CASK: variants seen among roughly 807,000 people sequenced by gnomAD.
CASK encodes peripheral plasma membrane protein CASK.
Under a neutral mutation model 82.9 loss-of-function variants are expected in CASK, and 4 were observed. The ratio of observed to expected loss-of-function variants is 0.05; its 90% confidence interval spans 0.02 to 0.11. CASK has a LOEUF of 0.11. Ranked by LOEUF, CASK falls within the 10% of genes least tolerant of loss-of-function variation. The probability of loss-of-function intolerance (pLI) is 1.00; values close to 1 mark genes in which losing one functional copy is unlikely to be tolerated. For missense variants in CASK, 358 were observed against 720.9 expected, an observed-to-expected ratio of 0.50 and a Z score of 5.76; for synonymous variants, 259 against 253.5, an observed-to-expected ratio of 1.02 and a Z score of -0.20.
intron 5 of CASK, among the ~76,000 whole-genome samples, chrX:41,736,167 T>C (rs1442847192): frequency 2.7e-5 from 3 of 112,164 alleles, no homozygotes; most frequent in East Asian, 5.6e-4. Flanking sequence ...TATTCACCCA[T>C]GTAAAAATGT....
rs760462617 is a variant in CASK, at chrX:41,576,067, C to T, written c.1503+2273G>A. On this transcript the variant is annotated intron_variant, in intron 15 of 26. Coordinates refer to ENST00000378163, the MANE Select transcript of CASK (RefSeq NM_001367721.1). ...TCGGCTCACTGCAACCTCCGCCTCC[C>T]GGGTTCAAGCGATTCTTCTGCCTCA... 8.0e-3 allele frequency among the ~76,000 whole-genome samples: 876 copies of T among 109,273 alleles called. 7 individuals are homozygous for T. Among genetic ancestry groups the T allele is most frequent in the African/African-American group, 0.028 (832 of 29,960 alleles). The allele number at this position is 109,273 out of a possible 115,157, so 94.9% of individuals were successfully genotyped here. A position where few individuals can be genotyped will look rare whatever the true frequency, so the allele number is the denominator to read the frequency against.
chrX:41,601,412 T>C, intron 12 of CASK, among the ~76,000 whole-genome samples: 1 of 111,759 alleles, frequency 8.9e-6, no homozygotes, highest in African/African-American at 3.2e-5. Flanking sequence ...ATATTGAAAA[T>C]CTATAAAGTT....
At chrX:41,859,203 T>C (rs1356425731) in intron 1 of CASK, among the ~76,000 whole-genome samples, 1 of 111,183 alleles carries the variant, frequency 9.0e-6, no homozygotes, top group Non-Finnish European at 1.9e-5. Context: ...ACAAGATACG[T>C]AGGAAAACCG....
At chrX:41,544,492 A>G (rs754781526) in intron 21 of CASK, among the ~76,000 whole-genome samples, 1 of 100,498 alleles carries the variant, frequency 1.0e-5, no homozygotes, top group Admixed American at 1.1e-4. Context: ...CTTGAGCCTG[A>G]GAGGTGGAGG....
chrX:41,532,258 C>G (rs2064815173), intron 24 of CASK, among the ~76,000 whole-genome samples: 1 of 112,196 alleles, frequency 8.9e-6, no homozygotes, highest in Non-Finnish European at 1.9e-5. Flanking sequence ...TTTTTGTAAA[C>G]AAAGTTTTAC....
In CASK at chrX:41,705,377, C is replaced by T. The variant is rs891132627; in HGVS notation, c.430-33847G>A. 6.3e-5 allele frequency among the ~76,000 whole-genome samples: 7 copies of T among 110,719 alleles called. No homozygotes were observed. The East Asian group carries it at 1.1e-3, about 18-fold the overall frequency. On this transcript the variant is annotated intron_variant, in intron 5 of 26. Transcript: ENST00000378163. ...TTCCAGACCAGCCTGGGCAACATAGCGAAGCAGTCTCTACAAAATATTAAA... is the reference window on the plus strand; with the variant it reads ...TTCCAGACCAGCCTGGGCAACATAGTGAAGCAGTCTCTACAAAATATTAAA...
chrX:41,798,474 A>G (rs2069912702), intron 2 of CASK, among the ~76,000 whole-genome samples: 1 of 112,807 alleles, frequency 8.9e-6, no homozygotes, highest in African/African-American at 3.2e-5. Flanking sequence ...CAATAATTCT[A>G]AGGGGCAGAT....
intron 5 of CASK, among the ~76,000 whole-genome samples, chrX:41,702,516 C>T: frequency 8.9e-6 from 1 of 112,275 alleles, no homozygotes. Context: ...AAAATCTTTG[C>T]CAGGCGTGGT....
At chrX:41,889,566 G>T (rs1371391831) in intron 1 of CASK, among the ~76,000 whole-genome samples, 5 of 111,525 alleles carry the variant, frequency 4.5e-5, no homozygotes, top group Non-Finnish European at 7.5e-5. Flanking sequence ...GTTGGGAAGA[G>T]TAAATAGAAC....
chrX:41,591,146 G>A (rs1161592977), intron 12 of CASK, among the ~76,000 whole-genome samples: 1 of 111,739 alleles, frequency 8.9e-6, no homozygotes, highest in Non-Finnish European at 1.9e-5. Context: ...TAAAATATAT[G>A]TGGGCAGTCT....
chrX:41,915,068 C>G (rs192282606), intron 1 of CASK, among the ~76,000 whole-genome samples: 4 of 111,627 alleles, frequency 3.6e-5, no homozygotes, highest in African/African-American at 9.8e-5. Flanking sequence ...ATCCTCCCCC[C>G]TCTTTTAAAC....
chrX:41,517,951 C>T lies in CASK; in HGVS notation c.*2469G>A. ...ATCTTTGAGAAGTCAATGAGTTCTG[C>T]ATGCAGGGATTTCACCATCGGAATG... On this transcript the variant is annotated 3_prime_UTR_variant, in exon 27 of 27. Transcript: ENST00000378163. 2 of 422,553 alleles carry T rather than the reference C, an allele frequency of 4.7e-6. No homozygotes were observed. Among genetic ancestry groups the T allele is most frequent in the Non-Finnish European group, 8.4e-6 (2 of 238,972 alleles). 34.8% of individuals were successfully genotyped at this position (422,553 alleles called of 1,213,427 possible).
chrX:41,706,989 T>A (rs1281528389), intron 5 of CASK, among the ~76,000 whole-genome samples: 2 of 112,038 alleles, frequency 1.8e-5, no homozygotes, highest in African/African-American at 6.5e-5. Context: ...ACTATAGTAA[T>A]CCCTAAAGAA....
chrX:41,809,322 A>G (rs1269343036), intron 2 of CASK, among the ~76,000 whole-genome samples: 1 of 112,249 alleles, frequency 8.9e-6, no homozygotes. Flanking sequence ...CAAGTAGCCT[A>G]ACTGGGAGGC....
chrX:41,622,385 A>C (rs1313539063), intron 11 of CASK, among the ~76,000 whole-genome samples: 1 of 112,416 alleles, frequency 8.9e-6, no homozygotes, highest in African/African-American at 3.2e-5. Flanking sequence ...AAATTTTAAC[A>C]CTGTCTTTTT....
At chrX:41,854,224 G>GCGCGCACACA (rs1367817089) in intron 1 of CASK, among the ~76,000 whole-genome samples, 15 of 81,734 alleles carry the variant, frequency 1.8e-4, no homozygotes, top group South Asian at 7.0e-4. Context: ...GCGGGCGCGC[G>GCGCGCACACA]CACACACACA....
At chrX:41,814,432 T>G (rs1215099316) in intron 2 of CASK, among the ~76,000 whole-genome samples, 1 of 111,101 alleles carries the variant, frequency 9.0e-6, no homozygotes, top group Non-Finnish European at 1.9e-5. Context: ...GATGAGTTCA[T>G]GTCCTTTGTA....
intron 1 of CASK, among the ~76,000 whole-genome samples, chrX:41,909,457 T>C (rs1372753123): frequency 8.9e-6 from 1 of 112,361 alleles, no homozygotes; most frequent in Non-Finnish European, 1.9e-5. Context: ...CAAATCTCTT[T>C]ATGCAATATT....
chrX:41,605,081 CATAG>C (rs1279195738), intron 12 of CASK, among the ~76,000 whole-genome samples: 1 of 111,851 alleles, frequency 8.9e-6, no homozygotes, highest in Non-Finnish European at 1.9e-5. Flanking sequence ...ATAAAGAAGT[CATAG>C]ATAATCTTTA....
Sources: allele counts gnomAD v4.1 joint callset (sites outside exome capture counted in the v4.1 genomes callset), GRCh38; gene constraint gnomAD v4.1.1; transcripts MANE v1.5; gene names NCBI Gene and HGNC (gene_info 2026-07-23, HGNC 2026-07-21).